The following PPP2R3A variants were observed in gnomAD, a reference collection of about 807,000 sequenced individuals.
PPP2R3A encodes serine/threonine-protein phosphatase 2A regulatory subunit B'' subunit alpha.
PPP2R3A carries 80 observed loss-of-function variants against 106.9 expected under a neutral mutation model. That is an observed-to-expected ratio of 0.75 (90% CI 0.62 to 0.90). The LOEUF is 0.90. PPP2R3A is among the 40% of genes least tolerant of loss of function. PPP2R3A has a pLI of 0.00. For synonymous variants in PPP2R3A, 483 were observed against 468.3 expected (o/e 1.03, Z -0.41); for missense variants, 1,386 against 1,350.4 (o/e 1.03, Z -0.41).
At chr3:136,055,507 A>T (rs757121064) in intron 5 of PPP2R3A, 350 of 1,196,370 alleles carry the variant, frequency 2.9e-4, no homozygotes, top group Non-Finnish European at 4.1e-4. Context: ...TTTGGAGATT[A>T]CAGGTTCTAT....
At chr3:136,013,188 A>G (rs200722913) in intron 2 of PPP2R3A, among the ~76,000 whole-genome samples, 25,609 of 128,182 alleles carry the variant, frequency 0.2, 2,735 homozygotes, top group African/African-American at 0.35. Flanking sequence ...GTGTGTATGT[A>G]TGTATGTATG....
chr3:136,118,404 T>C (rs995911841), intron 13 of PPP2R3A, among the ~76,000 whole-genome samples: 1 of 152,100 alleles, frequency 6.6e-6, no homozygotes, highest in African/African-American at 2.4e-5. Context: ...AAGAAATAAA[T>C]GGTATTCAAA....
intron 2 of PPP2R3A, among the ~76,000 whole-genome samples, chr3:136,014,067 G>A (rs6439614): frequency 0.65 from 98,742 of 152,066 alleles, 34,263 homozygotes; most frequent in African/African-American, 0.9. Flanking sequence ...TGATTTGCCA[G>A]TTATTCCAGC....
chr3:136,129,829 C>G (rs1938333133), intron 13 of PPP2R3A, among the ~76,000 whole-genome samples: 1 of 152,188 alleles, frequency 6.6e-6, no homozygotes, highest in Admixed American at 6.5e-5. Flanking sequence ...ATCAAGTCAG[C>G]TTCATCCCTG....
At chr3:135,988,071 C>G (rs1262410286) in intron 1 of PPP2R3A, among the ~76,000 whole-genome samples, 1 of 152,088 alleles carries the variant, frequency 6.6e-6, no homozygotes, top group Non-Finnish European at 1.5e-5. Context: ...TAGCAGCCCT[C>G]TGGACACATG....
chr3:136,077,972 C>T (rs1200828626), intron 6 of PPP2R3A, among the ~76,000 whole-genome samples: 1 of 152,126 alleles, frequency 6.6e-6, no homozygotes, highest in African/African-American at 2.4e-5. Context: ...CCTTGATAGC[C>T]ACCCTTCTGA....
chr3:136,024,431 A>G (rs1934577646), intron 2 of PPP2R3A, among the ~76,000 whole-genome samples: 2 of 152,192 alleles, frequency 1.3e-5, no homozygotes, highest in Admixed American at 1.3e-4. Context: ...GTTTTATTAA[A>G]TATGGAATTG....
Position 136,145,126 on chromosome 3 carries a change from C to T in PPP2R3A, c.3413C>T (p.Pro1138Leu). The change falls in exon 14 of 14, where the codon CCA becomes CTA. Residue 1138 changes from proline to leucine, a missense_variant. Coordinates refer to ENST00000264977, the MANE Select transcript of PPP2R3A (RefSeq NM_002718.5). ...KSNKILSASL[P>L]EKCGKLQSVD... is the part of the protein sequence containing the mutation. The stretch of plus-strand genomic sequence containing the variant: ...AATAAAATATTAAGTGCAAGCCTTC[C>T]AGAGAAATGTGGAAAGCTTCAATCA... 6.2e-7 allele frequency: 1 copy of T among 1,613,556 alleles called. No homozygotes were observed. The highest frequency in any genetic ancestry group is 8.5e-7 in the Non-Finnish European group (1 of 1,179,754).
chr3:135,985,364 C>T (rs929009183), intron 1 of PPP2R3A, among the ~76,000 whole-genome samples: 2 of 144,882 alleles, frequency 1.4e-5, no homozygotes, highest in Admixed American at 6.8e-5. Context: ...CCCTCTTTCC[C>T]TCTCTCCCTT....
intron 1 of PPP2R3A, among the ~76,000 whole-genome samples, chr3:135,967,193 A>G (rs892430228): frequency 1.3e-5 from 2 of 152,278 alleles, no homozygotes; most frequent in African/African-American, 4.8e-5. Flanking sequence ...AAAAACTTAG[A>G]TCTTTTATAC....
At chr3:136,121,635 A>T (rs1938001197) in intron 13 of PPP2R3A, among the ~76,000 whole-genome samples, 1 of 152,220 alleles carries the variant, frequency 6.6e-6, no homozygotes, top group Non-Finnish European at 1.5e-5. Flanking sequence ...AACAATTTCT[A>T]AGAGATGAAA....
At chr3:136,136,074 TTA>T (rs1410076640) in intron 13 of PPP2R3A, among the ~76,000 whole-genome samples, 29 of 30,358 alleles carry the variant, frequency 9.6e-4, no homozygotes, top group African/African-American at 2.1e-3. Flanking sequence ...AAAAAAAAAA[TTA>T]TATATATATA....
At chr3:135,984,732 G>T (rs994448804) in intron 1 of PPP2R3A, among the ~76,000 whole-genome samples, 1 of 152,154 alleles carries the variant, frequency 6.6e-6, no homozygotes, top group Non-Finnish European at 1.5e-5. Context: ...CTGTGAGTCA[G>T]TTAAACCTCT....
intron 13 of PPP2R3A, among the ~76,000 whole-genome samples, chr3:136,131,162 G>A (rs1387761204): frequency 1.3e-5 from 2 of 152,150 alleles, no homozygotes; most frequent in African/African-American, 4.8e-5. Context: ...TGACAAATGG[G>A]ATCTAATTAA....
chr3:136,129,774 TG>T (rs1938329550), intron 13 of PPP2R3A, among the ~76,000 whole-genome samples: 1 of 152,128 alleles, frequency 6.6e-6, no homozygotes. Context: ...CTCAAAATAC[TG>T]GCAGGCCGAA....
chr3:136,081,335 GTT>G (rs1936775718), intron 7 of PPP2R3A, among the ~76,000 whole-genome samples: 1 of 151,864 alleles, frequency 6.6e-6, no homozygotes, highest in South Asian at 2.1e-4. Context: ...ATTGATACCT[GTT>G]TATTTTTGTT....
intron 4 of PPP2R3A, among the ~76,000 whole-genome samples, chr3:136,048,890 C>T (rs1454458673): frequency 3.3e-5 from 5 of 152,080 alleles, no homozygotes; most frequent in South Asian, 2.1e-4. Context: ...AAGTTCATGA[C>T]GACTCCCAAG....
intron 3 of PPP2R3A, among the ~76,000 whole-genome samples, chr3:136,029,135 AG>A (rs1394171353): frequency 6.6e-6 from 1 of 152,168 alleles, no homozygotes; most frequent in African/African-American, 2.4e-5. Context: ...TTACGCCAAC[AG>A]GGTATTTCTA....
chr3:136,017,627 C>T (rs945776650), intron 2 of PPP2R3A, among the ~76,000 whole-genome samples: 4 of 152,176 alleles, frequency 2.6e-5, no homozygotes, highest in African/African-American at 7.2e-5. Flanking sequence ...TCATGATATA[C>T]CAGGACCTCC....
Sources: gnomAD v4.1 joint callset for allele counts (sites outside exome capture counted in the v4.1 genomes callset) on GRCh38, gnomAD v4.1.1 for gene constraint, MANE v1.5 for transcripts, NCBI Gene and HGNC (gene_info 2026-07-23, HGNC 2026-07-21) for gene names.